Variants in IL1RAP observed in about 807,000 individuals in gnomAD.
IL1RAP encodes the protein interleukin-1 receptor accessory protein.
Under a neutral mutation model 60.7 loss-of-function variants are expected in IL1RAP, and 35 were observed. The observed-to-expected ratio is 0.58, with a 90% CI of 0.44 to 0.76. The LOEUF (loss-of-function observed/expected upper bound fraction) is 0.76. Ranked by LOEUF, IL1RAP falls within the 30% of genes least tolerant of loss-of-function variation. IL1RAP has a pLI of 0.00. For synonymous variants in IL1RAP, 268 were observed against 250.9 expected (o/e 1.07, Z -0.64); for missense variants, 572 against 693.9 (o/e 0.82, Z 1.97).
At chr3:190,517,483 G>A (rs1441703655) in intron 1 of IL1RAP, among the ~76,000 whole-genome samples, 2 of 152,186 alleles carry the variant, frequency 1.3e-5, no homozygotes, top group African/African-American at 4.8e-5. Context: ...TGGTGGTGCT[G>A]ATTACTTGTC....
At chr3:190,536,877 A>G (rs1723510913) in intron 1 of IL1RAP, among the ~76,000 whole-genome samples, 1 of 152,192 alleles carries the variant, frequency 6.6e-6, no homozygotes, top group Non-Finnish European at 1.5e-5. Flanking sequence ...ATATGATTCA[A>G]TTTTTGTAAA....
intron 1 of IL1RAP, among the ~76,000 whole-genome samples, chr3:190,516,899 G>A (rs973409899): frequency 3.3e-5 from 5 of 152,142 alleles, no homozygotes; most frequent in African/African-American, 7.2e-5. Context: ...AGTTGCTAGA[G>A]GTCATGTGTT....
At chr3:190,638,525 T>C (rs77901184) in intron 9 of IL1RAP, among the ~76,000 whole-genome samples, 7,451 of 152,290 alleles carry the variant, frequency 0.049, 483 homozygotes, top group East Asian at 0.3. Flanking sequence ...GTCAGACACA[T>C]GTTTTGCAAA....
At chr3:190,544,079 A>G (rs1170280146) in intron 1 of IL1RAP, among the ~76,000 whole-genome samples, 1 of 152,238 alleles carries the variant, frequency 6.6e-6, no homozygotes, top group East Asian at 1.9e-4. Context: ...ACCCTAATAC[A>G]TACATGCATT....
At chr3:190,580,017 G>A (rs1410289995) in intron 3 of IL1RAP, among the ~76,000 whole-genome samples, 1 of 152,096 alleles carries the variant, frequency 6.6e-6, no homozygotes, top group Non-Finnish European at 1.5e-5. Context: ...TGACTATCAT[G>A]AATAATGCTA....
In IL1RAP at chr3:190,559,566, A is replaced by G. The variant is rs530866491; in HGVS notation, c.-2+3350A>G. Among the ~76,000 whole-genome samples the G allele has an allele frequency of 3.9e-5, 6 of 152,198 alleles. No individual in the cohort carries two copies. The East Asian group carries it at 1.2e-3, about 29-fold the overall frequency. On this transcript the variant is annotated intron_variant, in intron 2 of 11. Coordinates refer to ENST00000447382, the MANE Select transcript of IL1RAP (RefSeq NM_002182.4). ...ATTAGCTGCATCCCACACACTTGGT[A>G]TGTTTTATTTTATTTTTGTCAAGTT...
At chr3:190,610,000 A>G (rs901025706) in intron 5 of IL1RAP, among the ~76,000 whole-genome samples, 1 of 152,162 alleles carries the variant, frequency 6.6e-6, no homozygotes, top group East Asian at 1.9e-4. Context: ...GCTCTCTAAT[A>G]AGGGGTAGTG....
chr3:190,591,208 T>C (rs139008263), intron 3 of IL1RAP, among the ~76,000 whole-genome samples: 28 of 152,318 alleles, frequency 1.8e-4, no homozygotes, highest in African/African-American at 6.7e-4. Flanking sequence ...TGTGACCAGC[T>C]CTCCGCTAAA....
At chr3:190,545,980 C>A (rs888799485) in intron 1 of IL1RAP, among the ~76,000 whole-genome samples, 1 of 152,132 alleles carries the variant, frequency 6.6e-6, no homozygotes, top group African/African-American at 2.4e-5. Flanking sequence ...CATAATGGAA[C>A]ATCCTTTTCG....
intron 3 of IL1RAP, among the ~76,000 whole-genome samples, chr3:190,601,372 A>G (rs931305489): frequency 1.3e-5 from 2 of 152,258 alleles, no homozygotes; most frequent in South Asian, 4.1e-4. Context: ...TTTATAAAAT[A>G]CATTGTGTTA....
chr3:190,592,790 A>G (rs1419359830), intron 3 of IL1RAP, among the ~76,000 whole-genome samples: 1 of 152,216 alleles, frequency 6.6e-6, no homozygotes, highest in African/African-American at 2.4e-5. Context: ...TAAACTTCGT[A>G]GGATTGGTTG....
At chr3:190,524,293 A>T (rs1325396251) in intron 1 of IL1RAP, among the ~76,000 whole-genome samples, 1 of 152,014 alleles carries the variant, frequency 6.6e-6, no homozygotes, top group East Asian at 1.9e-4. Context: ...TTTTTCTCCC[A>T]TTCTGTAGGT....
At chr3:190,613,172 G>A (rs1372511472) in intron 5 of IL1RAP, among the ~76,000 whole-genome samples, 13 of 122,710 alleles carry the variant, frequency 1.1e-4, no homozygotes, top group Non-Finnish European at 1.8e-5. Context: ...ATTTCTTGAG[G>A]GCAAAGCTAT....
At chr3:190,634,739 G>A (rs1199867439) in intron 9 of IL1RAP, among the ~76,000 whole-genome samples, 14 of 131,508 alleles carry the variant, frequency 1.1e-4, no homozygotes, top group East Asian at 2.3e-4. Context: ...TTTTTGAGAA[G>A]GAGTCTCGCT....
At chr3:190,571,040 C>T (rs148342520) in intron 3 of IL1RAP, among the ~76,000 whole-genome samples, 2 of 152,282 alleles carry the variant, frequency 1.3e-5, no homozygotes, top group African/African-American at 4.8e-5. Context: ...TACGTTTCCT[C>T]AGTGGAACCT....
At chr3:190,522,294 C>CT (rs1357570020) in intron 1 of IL1RAP, among the ~76,000 whole-genome samples, 1 of 50,938 alleles carries the variant, frequency 2.0e-5, no homozygotes, top group Non-Finnish European at 3.4e-5. Flanking sequence ...CCTTTGCTTC[C>CT]TTCCTTCCTT....
Position 190,651,219 on chromosome 3 carries a change from C to G in IL1RAP, c.*2514C>G. On this transcript the variant is annotated 3_prime_UTR_variant, in exon 12 of 12. Coordinates refer to ENST00000447382, the MANE Select transcript of IL1RAP (RefSeq NM_002182.4). ...ATATATGCTATAGGGACGTTCCATG[C>G]CCAGGTTAACAAAGAACTGTGATAT... is the stretch of plus-strand genomic sequence containing the variant. The G allele has an allele frequency of 1.0e-6, 1 of 980,286 alleles. No individual in the cohort carries two copies. Among genetic ancestry groups the G allele is most frequent in the Middle Eastern group, 5.3e-4 (1 of 1,900 alleles). 60.7% of individuals were successfully genotyped at this position (980,286 alleles called of 1,614,324 possible). A position where few individuals can be genotyped will look rare whatever the true frequency, so the allele number is the denominator to read the frequency against.
chr3:190,540,151 T>C (rs1021735431), intron 1 of IL1RAP, among the ~76,000 whole-genome samples: 4 of 152,086 alleles, frequency 2.6e-5, no homozygotes, highest in Non-Finnish European at 4.4e-5. Context: ...ATCTTGGATA[T>C]GCAAAAATGA....
chr3:190,614,396 G>A (rs1731082440), intron 5 of IL1RAP, among the ~76,000 whole-genome samples: 2 of 151,978 alleles, frequency 1.3e-5, no homozygotes, highest in Admixed American at 1.3e-4. Context: ...CGTGCTGTGT[G>A]CTTTATGTTC....
Sources: allele counts gnomAD v4.1 joint callset (sites outside exome capture counted in the v4.1 genomes callset), GRCh38; gene constraint gnomAD v4.1.1; transcripts MANE v1.5; gene names NCBI Gene and HGNC (gene_info 2026-07-23, HGNC 2026-07-21).